The following LRRFIP1 variants were observed in gnomAD, a reference collection of about 807,000 sequenced individuals.
LRRFIP1 encodes the protein leucine-rich repeat flightless-interacting protein 1.
In LRRFIP1, 62 loss-of-function variants were observed where a neutral mutation model predicts 104.4. The ratio of observed to expected loss-of-function variants is 0.59; its 90% CI spans 0.48 to 0.73. LRRFIP1 has a LOEUF of 0.73. LRRFIP1 is among the 30% of genes least tolerant of loss of function. The pLI is 0.00. For missense variants in LRRFIP1, 796 were observed against 824.5 expected, an observed-to-expected ratio of 0.97 and a Z score of 0.42; for synonymous variants, 300 against 299.0, an observed-to-expected ratio of 1.00 and a Z score of -0.03.
chr2:237,695,208 T>C (rs867825020), intron 1 of LRRFIP1, among the ~76,000 whole-genome samples: 1 of 152,218 alleles, frequency 6.6e-6, no homozygotes, highest in Non-Finnish European at 1.5e-5. Context: ...GGGGCAAAGA[T>C]GGAGACTAAA....
intron 2 of LRRFIP1, among the ~76,000 whole-genome samples, chr2:237,710,086 C>G (rs2093997573): frequency 6.6e-6 from 1 of 151,976 alleles, no homozygotes; most frequent in Non-Finnish European, 1.5e-5. Flanking sequence ...CTCCTGATCT[C>G]AAGTGATCCT....
intron 1 of LRRFIP1, among the ~76,000 whole-genome samples, chr2:237,701,341 TG>T (rs1393916822): frequency 6.6e-6 from 1 of 152,208 alleles, no homozygotes; most frequent in Non-Finnish European, 1.5e-5. Flanking sequence ...TTCAGGGTGT[TG>T]GGCTGTCCCC....
At chr2:237,723,489 T>G in intron 6 of LRRFIP1, 59 bp from the exon 7 acceptor site, 1 of 1,562,542 alleles carries the variant, frequency 6.4e-7, no homozygotes, top group South Asian at 1.1e-5. Flanking sequence ...GCTTTTAAAT[T>G]TACTTTTGGC....
intron 1 of LRRFIP1, among the ~76,000 whole-genome samples, chr2:237,693,283 T>C (rs1223957957): frequency 6.6e-6 from 1 of 152,186 alleles, no homozygotes; most frequent in Non-Finnish European, 1.5e-5. Context: ...GGGATCTTGG[T>C]AAAAGTATGA....
intron 1 of LRRFIP1, among the ~76,000 whole-genome samples, chr2:237,663,875 G>T (rs1168475788): frequency 6.6e-6 from 1 of 152,206 alleles, no homozygotes; most frequent in Non-Finnish European, 1.5e-5. Context: ...GGGGAGAGGG[G>T]AGCCGTCAGC....
At chr2:237,762,766 C>T in intron 19 of LRRFIP1, 1 of 1,614,210 alleles carries the variant, frequency 6.2e-7, no homozygotes, top group Non-Finnish European at 8.5e-7. Flanking sequence ...ACCAGAAATC[C>T]TCTGAAGACA....
chr2:237,633,123 C>T (rs6754972), intron 1 of LRRFIP1, among the ~76,000 whole-genome samples: 61,583 of 151,968 alleles, frequency 0.41, 12,931 homozygotes, highest in East Asian at 0.46. Context: ...GCCTGAACAA[C>T]ATCCTGCCTC....
At chr2:237,658,070 G>A (rs186801380) in intron 1 of LRRFIP1, among the ~76,000 whole-genome samples, 9 of 152,316 alleles carry the variant, frequency 5.9e-5, no homozygotes, top group Admixed American at 5.9e-4. Context: ...CTAAAAAACT[G>A]TGACAAACAG....
intron 11 of LRRFIP1, among the ~76,000 whole-genome samples, chr2:237,746,795 C>T (rs913232220): frequency 2.6e-5 from 4 of 152,330 alleles, no homozygotes; most frequent in Admixed American, 1.3e-4. Context: ...TTGTGGAAAG[C>T]GCCCGTGAAC....
intron 1 of LRRFIP1, among the ~76,000 whole-genome samples, chr2:237,643,252 G>A (rs1316214247): frequency 6.6e-6 from 1 of 152,220 alleles, no homozygotes; most frequent in Admixed American, 6.5e-5. Flanking sequence ...AATTGGAGGA[G>A]AGCTACACCA....
intron 4 of LRRFIP1, among the ~76,000 whole-genome samples, chr2:237,718,317 G>T (rs2094418592): frequency 6.6e-6 from 1 of 152,194 alleles, no homozygotes; most frequent in Admixed American, 6.5e-5. Flanking sequence ...TTGCTGTTGG[G>T]TTCTCTCTTC....
rs1212608745 is a variant in LRRFIP1, at chr2:237,781,469, AGAT to A, written c.*1939_*1941del. Among the ~76,000 whole-genome samples, 4 of 152,210 alleles carry A rather than the reference AGAT, an allele frequency of 2.6e-5. No homozygotes were observed. Among genetic ancestry groups the A allele is most frequent in the Non-Finnish European group, 5.9e-5 (4 of 68,036 alleles). On this transcript the variant is annotated 3_prime_UTR_variant, in exon 24 of 24. Coordinates refer to ENST00000308482, the MANE Select transcript of LRRFIP1 (RefSeq NM_001137550.2). ...TCCCAGGTGTCTCACAGCCCTGAGA[AGAT>A]GGCGTTTTCCCTATCAGTGGCTCTG...
At chr2:237,772,661 C>T in intron 21 of LRRFIP1, 1 of 591,186 alleles carries the variant, frequency 1.7e-6, no homozygotes. Flanking sequence ...CTGCCCCAAG[C>T]ACAGGGGCGG....
chr2:237,708,807 G>T (rs996430985), intron 2 of LRRFIP1, 177 bp downstream of exon 2: 1 of 751,542 alleles, frequency 1.3e-6, no homozygotes, highest in Middle Eastern at 2.3e-4. Flanking sequence ...CGCATAGCAC[G>T]GATACCAGGC....
intron 1 of LRRFIP1, among the ~76,000 whole-genome samples, chr2:237,700,832 A>G (rs2093479507): frequency 6.6e-6 from 1 of 152,128 alleles, no homozygotes; most frequent in Non-Finnish European, 1.5e-5. Context: ...CCTCTGGTTC[A>G]CATGCGGTGC....
At position 237,649,665 on chromosome 2, in the gene LRRFIP1, G is replaced by A. The variant is rs375846887; in HGVS notation, c.96+21925G>A. Reference sequence around the variant, plus strand: ...CGGTTGCTGTCCATGCAGACTGTGAGGGATGTTCACATGTCACATTTCTCA... The same window carrying A: ...CGGTTGCTGTCCATGCAGACTGTGAAGGATGTTCACATGTCACATTTCTCA... On this transcript the variant is annotated intron_variant, in intron 1 of 23. Transcript: ENST00000308482. The surrounding 1 kb of genome is among the most constrained non-coding windows in gnomAD (Gnocchi z 4.1). Among the ~76,000 whole-genome samples the A allele has an allele frequency of 3.6e-4, 55 of 152,086 alleles. 3 individuals are homozygous for A. The South Asian group carries it at 0.011, about 32-fold the overall frequency.
intron 6 of LRRFIP1, 64 bp downstream of exon 6, chr2:237,720,886 A>C: frequency 8.4e-5 from 118 of 1,398,704 alleles, no homozygotes; most frequent in Non-Finnish European, 1.1e-4. Flanking sequence ...TTACTTTCTC[A>C]TCCCCGCATT....
At chr2:237,697,457 A>G (rs2093265837) in intron 1 of LRRFIP1, among the ~76,000 whole-genome samples, 2 of 152,186 alleles carry the variant, frequency 1.3e-5, no homozygotes, top group South Asian at 4.1e-4. Flanking sequence ...AGCTGCTGTG[A>G]TTTAAGCCTT....
intron 1 of LRRFIP1, among the ~76,000 whole-genome samples, chr2:237,629,346 A>G (rs1466376015): frequency 6.6e-6 from 1 of 152,202 alleles, no homozygotes; most frequent in Non-Finnish European, 1.5e-5. Flanking sequence ...TGTTCCCTGC[A>G]AGGGCCAGAG....
Sources: allele counts gnomAD v4.1 joint callset (sites outside exome capture counted in the v4.1 genomes callset), GRCh38; gene constraint gnomAD v4.1.1; non-coding constraint Gnocchi (gnomAD v3.1); transcripts MANE v1.5; gene names NCBI Gene and HGNC (gene_info 2026-07-23, HGNC 2026-07-21).